The following RALGPS1 variants were observed in gnomAD, a reference collection of about 807,000 sequenced individuals.
The protein encoded by RALGPS1 is ras-specific guanine nucleotide-releasing factor RalGPS1.
RALGPS1 carries 19 observed loss-of-function variants against 78.8 expected under a neutral mutation model. The ratio of observed to expected loss-of-function variants is 0.24; its 90% CI spans 0.17 to 0.35. The LOEUF is 0.35. Among genes scored for constraint, RALGPS1 ranks in the 10% least tolerant of loss-of-function variants. RALGPS1 has a pLI of 1.00. For synonymous variants in RALGPS1, 228 were observed against 256.3 expected, an observed-to-expected ratio of 0.89 and a Z score of 1.06; for missense variants, 454 against 688.3, an observed-to-expected ratio of 0.66 and a Z score of 3.81.
At chr9:127,141,616 CAAAAAA>C (rs61291398) in intron 8 of RALGPS1, among the ~76,000 whole-genome samples, 2 of 68,670 alleles carry the variant, frequency 2.9e-5, no homozygotes, top group African/African-American at 6.6e-5. Flanking sequence ...TTTTTAATGG[CAAAAAA>C]AAAAAAAAAA....
chr9:127,137,332 G>A (rs1242307465), intron 8 of RALGPS1, among the ~76,000 whole-genome samples: 1 of 152,366 alleles, frequency 6.6e-6, no homozygotes, highest in Admixed American at 6.5e-5. Flanking sequence ...TTTTTCTGAA[G>A]CCAGGGGAGA....
At chr9:126,972,864 C>T (rs1372589206) in intron 3 of RALGPS1, among the ~76,000 whole-genome samples, 1 of 152,018 alleles carries the variant, frequency 6.6e-6, no homozygotes, top group Non-Finnish European at 1.5e-5. Flanking sequence ...GAGTTTGAGA[C>T]CAGCCTGGCC....
chr9:127,007,945 T>C (rs1457444690), intron 4 of RALGPS1, among the ~76,000 whole-genome samples: 3 of 152,122 alleles, frequency 2.0e-5, no homozygotes, highest in Non-Finnish European at 2.9e-5. Flanking sequence ...TCAGAGACTT[T>C]CCTGTGGTCT....
intron 1 of RALGPS1, among the ~76,000 whole-genome samples, chr9:126,948,586 C>T (rs986192867): frequency 1.3e-5 from 2 of 152,072 alleles, no homozygotes; most frequent in African/African-American, 4.8e-5. Context: ...TTAGGCATCC[C>T]TGGGCTGGAC....
At chr9:127,128,285 G>T (rs1050534690) in intron 8 of RALGPS1, among the ~76,000 whole-genome samples, 20 of 152,138 alleles carry the variant, frequency 1.3e-4, no homozygotes, top group African/African-American at 4.8e-4. Flanking sequence ...CTTTGCTATT[G>T]TGAACAGTGC....
chr9:127,136,342 G>A (rs1291476950), intron 8 of RALGPS1, among the ~76,000 whole-genome samples: 1 of 152,214 alleles, frequency 6.6e-6, no homozygotes, highest in African/African-American at 2.4e-5. Context: ...GAGATGATTT[G>A]GTGAAGTGAG....
At chr9:127,206,814 T>G (rs945953635) in intron 14 of RALGPS1, among the ~76,000 whole-genome samples, 1 of 152,116 alleles carries the variant, frequency 6.6e-6, no homozygotes, top group Non-Finnish European at 1.5e-5. Flanking sequence ...TAGAAAATGA[T>G]GGAGTGAAGA....
intron 4 of RALGPS1, among the ~76,000 whole-genome samples, chr9:127,001,896 A>T (rs932685570): frequency 2.0e-5 from 3 of 152,122 alleles, no homozygotes; most frequent in African/African-American, 7.2e-5. Context: ...AAAATAAAAA[A>T]TAAAAATAAA....
chr9:126,945,771 T>C (rs2037202701), intron 1 of RALGPS1, among the ~76,000 whole-genome samples: 1 of 152,218 alleles, frequency 6.6e-6, no homozygotes, highest in Admixed American at 6.5e-5. Context: ...CAGTACCTTA[T>C]ACCATGGACT....
chr9:126,938,585 A>T (rs565413592), intron 1 of RALGPS1, among the ~76,000 whole-genome samples: 4 of 152,050 alleles, frequency 2.6e-5, no homozygotes, highest in Non-Finnish European at 5.9e-5. Flanking sequence ...AGGGCGTACA[A>T]GGAAGGGTGG....
intron 1 of RALGPS1, among the ~76,000 whole-genome samples, chr9:126,945,136 C>G (rs1200747701): frequency 6.6e-6 from 1 of 152,140 alleles, no homozygotes; most frequent in African/African-American, 2.4e-5. Flanking sequence ...CCTCCAGTTG[C>G]AAGGGAAGCA....
chr9:127,152,970 C>T (rs2058507584), intron 8 of RALGPS1, among the ~76,000 whole-genome samples: 1 of 152,190 alleles, frequency 6.6e-6, no homozygotes, highest in African/African-American at 2.4e-5. Context: ...AGCAAGGTCC[C>T]AGGAGTTGAA....
intron 4 of RALGPS1, among the ~76,000 whole-genome samples, chr9:127,013,951 G>A (rs979510450): frequency 8.5e-5 from 13 of 152,110 alleles, no homozygotes; most frequent in East Asian, 1.9e-4. Flanking sequence ...TTCCTTATGC[G>A]TTCAGCAACA....
intron 9 of RALGPS1, 73 bp downstream of exon 9, chr9:127,166,279 TAGAA>T (rs1352334659): frequency 6.5e-7 from 1 of 1,545,610 alleles, no homozygotes; most frequent in Non-Finnish European, 8.8e-7. Flanking sequence ...GAGAAAGCTC[TAGAA>T]ACCTTTCAAA....
chr9:126,925,923 C>A (rs534760600), intron 1 of RALGPS1, among the ~76,000 whole-genome samples: 5 of 152,182 alleles, frequency 3.3e-5, no homozygotes, highest in Non-Finnish European at 5.9e-5. Context: ...TGGAGGACTC[C>A]AGATGTACTG....
intron 1 of RALGPS1, among the ~76,000 whole-genome samples, chr9:126,958,142 A>AAAAAAAAAAAATATATAT (rs113413659): frequency 1.3e-5 from 1 of 77,082 alleles, no homozygotes; most frequent in Non-Finnish European, 2.8e-5. Context: ...AAAAAAAAAA[A>AAAAAAAAAAAATATATAT]ATATATATAT....
At chr9:126,933,340 C>G (rs952319953) in intron 1 of RALGPS1, among the ~76,000 whole-genome samples, 3 of 151,988 alleles carry the variant, frequency 2.0e-5, no homozygotes, top group Non-Finnish European at 4.4e-5. Flanking sequence ...GTTCTGGGAC[C>G]CCAGAGGGGC....
intron 8 of RALGPS1, among the ~76,000 whole-genome samples, chr9:127,080,895 C>T (rs923698610): frequency 6.6e-5 from 10 of 152,186 alleles, no homozygotes; most frequent in Admixed American, 5.2e-4. Context: ...TGCAGATATT[C>T]CAAAATCTGA....
intron 8 of RALGPS1, among the ~76,000 whole-genome samples, chr9:127,096,465 G>A (rs1481290225): frequency 6.6e-6 from 1 of 152,188 alleles, no homozygotes; most frequent in Non-Finnish European, 1.5e-5. Context: ...CAGGACTGCT[G>A]CAGAATTGTC....
Sources: gnomAD v4.1 joint callset for allele counts (sites outside exome capture counted in the v4.1 genomes callset) on GRCh38, gnomAD v4.1.1 for gene constraint, MANE v1.5 for transcripts, NCBI Gene and HGNC (gene_info 2026-07-23, HGNC 2026-07-21) for gene names.